Variants in ZMYND8 observed in about 807,000 individuals in gnomAD.
ZMYND8 encodes zinc finger MYND-type containing 8.
ZMYND8 carries 37 observed loss-of-function variants against 140.8 expected under a neutral mutation model. That is an observed-to-expected ratio of 0.26 (90% CI 0.20 to 0.35). The LOEUF is 0.35. ZMYND8 is among the 10% of genes least tolerant of loss of function. The pLI is 1.00. For synonymous variants in ZMYND8, 592 were observed against 597.1 expected (o/e 0.99, Z 0.12); for missense variants, 1,068 against 1,570.0 (o/e 0.68, Z 5.40).
At chr20:47,323,570 G>A (rs1355807620) in intron 2 of ZMYND8, among the ~76,000 whole-genome samples, 1 of 152,042 alleles carries the variant, frequency 6.6e-6, no homozygotes. Context: ...TTCCAAGCCT[G>A]TTTTTAAAAA....
At chr20:47,331,241 A>C in intron 2 of ZMYND8, among the ~76,000 whole-genome samples, 1 of 152,240 alleles carries the variant, frequency 6.6e-6, no homozygotes, top group East Asian at 1.9e-4. Context: ...TGTTCCTTTC[A>C]AAAGACTGGG....
At chr20:47,346,337 G>A (rs553284543) in intron 2 of ZMYND8, among the ~76,000 whole-genome samples, 35 of 152,154 alleles carry the variant, frequency 2.3e-4, no homozygotes, top group Non-Finnish European at 4.4e-4. Flanking sequence ...TGAAGTCCCT[G>A]GTGGCTCAGC....
intron 2 of ZMYND8, among the ~76,000 whole-genome samples, chr20:47,342,824 G>C (rs2082016285): frequency 6.9e-6 from 1 of 144,618 alleles, no homozygotes; most frequent in Admixed American, 7.0e-5. Flanking sequence ...TCCAGCCTCG[G>C]CAACAGAGCA....
intron 6 of ZMYND8, 122 bp from the exon 7 acceptor site, chr20:47,290,396 T>G: frequency 4.0e-6 from 3 of 748,174 alleles, no homozygotes; most frequent in South Asian, 3.8e-5. Context: ...GTTCTTCTAT[T>G]CATTTCCCAA....
In ZMYND8 at chr20:47,224,309, G is replaced by A. The variant is rs572946200; in HGVS notation, c.3256+8C>T. On this transcript the variant is annotated splice_region_variant and intron_variant, in intron 19 of 22. Transcript: ENST00000471951. ...CCCAGGACGGGAGGCAGCCCCACAG[G>A]GCATTACCTGACTGGGTGCAGGACT... The A allele has an allele frequency of 8.1e-6, 13 of 1,614,130 alleles. No homozygotes were observed. In the Admixed American group the frequency reaches 8.3e-5, roughly 10 times the overall value.
intron 11 of ZMYND8, among the ~76,000 whole-genome samples, chr20:47,269,372 G>C (rs2075772689): frequency 6.6e-6 from 1 of 152,162 alleles, no homozygotes; most frequent in Non-Finnish European, 1.5e-5. Flanking sequence ...GGCCTTAAAT[G>C]TCAGTGGTCC....
intron 6 of ZMYND8, 34 bp downstream of exon 6, chr20:47,291,762 G>C: frequency 1.3e-6 from 2 of 1,577,880 alleles, no homozygotes; most frequent in Non-Finnish European, 1.7e-6. Flanking sequence ...TCAACTGTGG[G>C]CTAGAATGGT....
At chr20:47,315,650 T>C (rs2079326410) in intron 2 of ZMYND8, among the ~76,000 whole-genome samples, 1 of 152,128 alleles carries the variant, frequency 6.6e-6, no homozygotes. Context: ...GAGTCAATTT[T>C]TTCTTCTTTA....
At chr20:47,260,841 C>T (rs1178559219) in intron 12 of ZMYND8, among the ~76,000 whole-genome samples, 1 of 152,194 alleles carries the variant, frequency 6.6e-6, no homozygotes, top group Non-Finnish European at 1.5e-5. Context: ...TTGCTTTGTA[C>T]TCTATTTCCA....
chr20:47,212,504 G>A (rs1038580581), intron 22 of ZMYND8, 138 bp downstream of exon 22: 1 of 944,718 alleles, frequency 1.1e-6, no homozygotes, highest in South Asian at 1.4e-5. Flanking sequence ...AAGAAACGTT[G>A]CAAAGGAAGA....
chr20:47,240,654 A>G (rs1227048173), intron 14 of ZMYND8, among the ~76,000 whole-genome samples: 1 of 151,586 alleles, frequency 6.6e-6, no homozygotes, highest in African/African-American at 2.4e-5. Context: ...CTCTGAGTTC[A>G]AGCGATTCTC....
At chr20:47,299,660 T>C (rs1035369690) in intron 3 of ZMYND8, among the ~76,000 whole-genome samples, 1 of 152,176 alleles carries the variant, frequency 6.6e-6, no homozygotes, top group Middle Eastern at 3.2e-3. Flanking sequence ...TTGGCTCCAC[T>C]GCAACCTCTG....
At chr20:47,273,698 TCA>T (rs1180023487) in intron 11 of ZMYND8, among the ~76,000 whole-genome samples, 2 of 152,200 alleles carry the variant, frequency 1.3e-5, no homozygotes, top group African/African-American at 2.4e-5. Context: ...AGTGGCACAA[TCA>T]CAGGTCATTG....
At chr20:47,214,556 C>T (rs974869638) in intron 21 of ZMYND8, among the ~76,000 whole-genome samples, 8 of 152,188 alleles carry the variant, frequency 5.3e-5, no homozygotes, top group Non-Finnish European at 7.3e-5. Flanking sequence ...TGCAGTGGCA[C>T]GGTCTCAACT....
At chr20:47,252,874 AG>A (rs2074302684) in intron 12 of ZMYND8, among the ~76,000 whole-genome samples, 1 of 152,202 alleles carries the variant, frequency 6.6e-6, no homozygotes, top group South Asian at 2.1e-4. Flanking sequence ...AGCCGAGATC[AG>A]GCCACTGCAC....
At chr20:47,254,764 G>A (rs1045713904) in intron 12 of ZMYND8, among the ~76,000 whole-genome samples, 1 of 152,122 alleles carries the variant, frequency 6.6e-6, no homozygotes, top group African/African-American at 2.4e-5. Flanking sequence ...TGTGTTGTAG[G>A]ATGTTCAGCA....
chr20:47,351,668 G>T (rs977377732), intron 1 of ZMYND8: 25 of 984,248 alleles, frequency 2.5e-5, no homozygotes, highest in Non-Finnish European at 2.8e-5. Context: ...AAATTGGGGT[G>T]GGGGGGAATG....
At chr20:47,257,600 A>G (rs1164456857) in intron 12 of ZMYND8, among the ~76,000 whole-genome samples, 1 of 152,100 alleles carries the variant, frequency 6.6e-6, no homozygotes, top group Non-Finnish European at 1.5e-5. Flanking sequence ...ACATATACTC[A>G]AATATACCCA....
chr20:47,257,720 T>C (rs1478722551), intron 12 of ZMYND8, among the ~76,000 whole-genome samples: 13 of 152,180 alleles, frequency 8.5e-5, no homozygotes, highest in Non-Finnish European at 1.9e-4. Context: ...TGCCATATAC[T>C]TATATACCAT....
Sources: gnomAD v4.1 joint callset for allele counts (sites outside exome capture counted in the v4.1 genomes callset) on GRCh38, gnomAD v4.1.1 for gene constraint, MANE v1.5 for transcripts, NCBI Gene and HGNC (gene_info 2026-07-23, HGNC 2026-07-21) for gene names.